The following BCAS3 variants were observed in gnomAD, a reference collection of about 807,000 sequenced individuals.
The protein encoded by BCAS3 is BCAS3 microtubule associated cell migration factor, also known as BCAS4/BCAS3 fusion.
In BCAS3, 53 loss-of-function variants were observed where a neutral mutation model predicts 116.1. The ratio of observed to expected loss-of-function variants is 0.46; its 90% CI spans 0.37 to 0.57. BCAS3 has a LOEUF of 0.57. Among genes scored for constraint, BCAS3 ranks in the 20% least tolerant of loss-of-function variants. BCAS3 has a pLI of 0.00. For missense variants in BCAS3, 917 were observed against 1,165.4 expected, an observed-to-expected ratio of 0.79 and a Z score of 3.10; for synonymous variants, 391 against 408.2, an observed-to-expected ratio of 0.96 and a Z score of 0.51.
Position 60,956,194 on chromosome 17 carries a change from C to T in BCAS3, c.1221+8842C>T, listed in dbSNP as rs1409632077. On this transcript the variant is annotated intron_variant, in intron 14 of 23. Coordinates refer to ENST00000407086, the MANE Select transcript of BCAS3 (RefSeq NM_017679.5). This position sits in a 1 kb window ranked among gnomAD's most constrained non-coding sequence, Gnocchi z 4.2. ...TTATTATAGTGCACAAAATGTCCCACATTTGGCCAGTGGGAGCCCAATAAC... is the reference window on the plus strand; with the variant it reads ...TTATTATAGTGCACAAAATGTCCCATATTTGGCCAGTGGGAGCCCAATAAC... Among the ~76,000 whole-genome samples the T allele has an allele frequency of 2.0e-5, 3 of 152,194 alleles. No individual in the cohort carries two copies. Among genetic ancestry groups the T allele is most frequent in the Non-Finnish European group, 4.4e-5 (3 of 68,030 alleles).
At position 60,961,331 on chromosome 17, in the gene BCAS3, A is replaced by G. The variant is rs1269293608; in HGVS notation, c.1221+13979A>G. ...TTACAGAGGTTTATCAGCATACATG[A>G]TTCTGGCGGCTGGCTAGGCTAGTCT... On this transcript the variant is annotated intron_variant, in intron 14 of 23. Transcript: ENST00000407086. This position sits in a 1 kb window ranked among gnomAD's most constrained non-coding sequence, Gnocchi z 4.8. Among the ~76,000 whole-genome samples, 2 of 152,114 alleles carry G rather than the reference A, an allele frequency of 1.3e-5. No homozygotes were observed. Among genetic ancestry groups the G allele is most frequent in the Admixed American group, 1.3e-4 (2 of 15,280 alleles).
intron 22 of BCAS3, among the ~76,000 whole-genome samples, chr17:61,303,707 T>G (rs1360368952): frequency 6.6e-6 from 1 of 152,070 alleles, no homozygotes. Flanking sequence ...TGAGTCAGAG[T>G]TGATATTTCC....
intron 10 of BCAS3, among the ~76,000 whole-genome samples, chr17:60,891,356 T>C (rs1304079969): frequency 6.6e-6 from 1 of 152,232 alleles, no homozygotes; most frequent in Admixed American, 6.5e-5. Context: ...AGCCTGAATA[T>C]GCACCAGTTG....
rs574267390 is a variant in BCAS3 at position 61,134,009 on chromosome 17, G to T, written c.2425+49445G>T. 3.3e-5 allele frequency among the ~76,000 whole-genome samples: 5 copies of T among 152,130 alleles called. No individual in the cohort carries two copies. Among genetic ancestry groups the T allele is most frequent in the Admixed American group, 1.3e-4 (2 of 15,270 alleles). On this transcript the variant is annotated intron_variant, in intron 22 of 23. Transcript: ENST00000407086. The surrounding 1 kb of genome is among the most constrained non-coding windows in gnomAD (Gnocchi z 4.6). ...AGCAATGGAGCAGAGTTGGAGAGAT[G>T]AAAGCATTTGAAGACTGCAAAGTAA...
Position 61,355,866 on chromosome 17 carries a change from G to A in BCAS3, c.2426-12461G>A, listed in dbSNP as rs2058108231. Reference sequence around the variant, plus strand: ...TGTTTTTCCATTGAAGGAATTGCTAGGTTTCCGAGGATAGTTTGTCTTGCA... The same window carrying A: ...TGTTTTTCCATTGAAGGAATTGCTAAGTTTCCGAGGATAGTTTGTCTTGCA... On this transcript the variant is annotated intron_variant, in intron 22 of 23. Coordinates refer to ENST00000407086, the MANE Select transcript of BCAS3 (RefSeq NM_017679.5). The surrounding 1 kb of genome is among the most constrained non-coding windows in gnomAD (Gnocchi z 4.2). 6.6e-6 allele frequency among the ~76,000 whole-genome samples: 1 copy of A among 152,200 alleles called. No homozygotes were observed. Among genetic ancestry groups the A allele is most frequent in the Admixed American group, 6.5e-5 (1 of 15,288 alleles).
intron 10 of BCAS3, among the ~76,000 whole-genome samples, chr17:60,892,062 C>T (rs777369515): frequency 1.3e-5 from 2 of 152,146 alleles, no homozygotes; most frequent in East Asian, 1.9e-4. Flanking sequence ...CTGATAGACA[C>T]CTAGTTTGGT....
chr17:60,706,136 C>A (rs966968049), intron 4 of BCAS3, among the ~76,000 whole-genome samples: 4 of 150,384 alleles, frequency 2.7e-5, no homozygotes, highest in Non-Finnish European at 5.9e-5. Flanking sequence ...GATCTCGGCT[C>A]ACTGTAACCT....
chr17:60,965,184 T>C (rs1040761239), intron 14 of BCAS3, among the ~76,000 whole-genome samples: 5 of 152,138 alleles, frequency 3.3e-5, no homozygotes, highest in African/African-American at 1.2e-4. Flanking sequence ...ACTTGCCTGT[T>C]AGTACTGCTT....
In BCAS3 at chr17:61,166,387, CTCTCTTTTTTTT is replaced by C. The variant is rs1250054925; in HGVS notation, c.2425+81825_2425+81836del. Among the ~76,000 whole-genome samples the C allele has an allele frequency of 1.1e-3, 82 of 77,098 alleles. 1 individual carries two copies. Among genetic ancestry groups the C allele is most frequent in the African/African-American group, 3.4e-3 (80 of 23,876 alleles). 50.6% of individuals were successfully genotyped at this position (77,098 alleles called of 152,430 possible). ...ATTATTATTGTTACTCTCTCTCTCT[CTCTCTTTTTTTT>C]TTTTTTTTTTTTTTTTGAGACAGAG... On this transcript the variant is annotated intron_variant, in intron 22 of 23. Transcript: ENST00000407086.
At chr17:60,698,020 A>T (rs1203230932) in intron 4 of BCAS3, among the ~76,000 whole-genome samples, 1 of 151,978 alleles carries the variant, frequency 6.6e-6, no homozygotes, top group Non-Finnish European at 1.5e-5. Flanking sequence ...TCTACTAAAA[A>T]TACAAAAAAT....
At chr17:61,149,831 T>C (rs553642106) in intron 22 of BCAS3, among the ~76,000 whole-genome samples, 29 of 152,212 alleles carry the variant, frequency 1.9e-4, no homozygotes. Context: ...TTTTCCTCTC[T>C]GGATGAAAGT....
At chr17:61,127,324 C>T (rs1166022648) in intron 22 of BCAS3, among the ~76,000 whole-genome samples, 1 of 151,912 alleles carries the variant, frequency 6.6e-6, no homozygotes, top group African/African-American at 2.4e-5. Context: ...TTCTAGGTAA[C>T]CATTAGGTTT....
chr17:60,859,122 A>G (rs1025099780), intron 7 of BCAS3, among the ~76,000 whole-genome samples: 3 of 152,204 alleles, frequency 2.0e-5, no homozygotes, highest in Admixed American at 1.3e-4. Context: ...AACAACATTG[A>G]TACAGAAAAT....
intron 19 of BCAS3, among the ~76,000 whole-genome samples, chr17:61,043,226 G>C (rs2067692733): frequency 1.3e-5 from 2 of 152,000 alleles, no homozygotes; most frequent in South Asian, 4.2e-4. Context: ...AAATCACCCA[G>C]GTGTGGTGGC....
chr17:61,040,577 TTA>T (rs1295415366), intron 18 of BCAS3, among the ~76,000 whole-genome samples: 1 of 152,242 alleles, frequency 6.6e-6, no homozygotes, highest in Non-Finnish European at 1.5e-5. Flanking sequence ...TGACTGCATG[TTA>T]TTTGTATGAA....
intron 22 of BCAS3, among the ~76,000 whole-genome samples, chr17:61,269,708 T>C (rs1568714000): frequency 6.6e-6 from 1 of 152,230 alleles, no homozygotes; most frequent in South Asian, 2.1e-4. Context: ...ATGATAGTAA[T>C]GTTCTGCTAG....
rs34911740 is a variant in BCAS3, at chr17:61,348,754, CTT to C, written c.2426-19558_2426-19557del. On this transcript the variant is annotated intron_variant, in intron 22 of 23. Transcript: ENST00000407086. This position sits in a 1 kb window ranked among gnomAD's most constrained non-coding sequence, Gnocchi z 4.5. ...TCTTGCAACCTCTTGGGCAGAGATT[CTT>C]TTTTTTTTTTTTTTGAAACAGAGTC... 5.9e-5 allele frequency among the ~76,000 whole-genome samples: 8 copies of C among 134,954 alleles called. No individual in the cohort carries two copies. Among genetic ancestry groups the C allele is most frequent in the Middle Eastern group, 3.5e-3 (1 of 282 alleles). 88.5% of individuals were successfully genotyped at this position (134,954 alleles called of 152,430 possible). A position where few individuals can be genotyped will look rare whatever the true frequency, so the allele number is the denominator to read the frequency against.
chr17:61,133,209 C>G (rs1490440401), intron 22 of BCAS3, among the ~76,000 whole-genome samples: 2 of 152,136 alleles, frequency 1.3e-5, no homozygotes, highest in Non-Finnish European at 2.9e-5. Context: ...GATGTTACCC[C>G]TTTCTGATGA....
chr17:61,054,653 C>A (rs2069195078), intron 19 of BCAS3, among the ~76,000 whole-genome samples: 1 of 152,206 alleles, frequency 6.6e-6, no homozygotes, highest in Admixed American at 6.5e-5. Flanking sequence ...GGACTACAGG[C>A]ATGAGCCACC....
Sources: allele counts gnomAD v4.1 joint callset (sites outside exome capture counted in the v4.1 genomes callset), GRCh38; gene constraint gnomAD v4.1.1; non-coding constraint Gnocchi (gnomAD v3.1); transcripts MANE v1.5; gene names NCBI Gene and HGNC (gene_info 2026-07-23, HGNC 2026-07-21).